Variants in SPATA7 observed in about 807,000 individuals in gnomAD.
SPATA7 encodes the protein spermatogenesis-associated protein 7.
SPATA7 carries 43 observed loss-of-function variants against 51.8 expected under a neutral mutation model. The ratio of observed to expected loss-of-function variants is 0.83; its 90% CI spans 0.65 to 1.07. The LOEUF (loss-of-function observed/expected upper bound fraction) is 1.07. SPATA7 is among the 50% of genes least tolerant of loss of function. The pLI, the probability that SPATA7 is intolerant of heterozygous loss-of-function variation, is 0.00. For synonymous variants in SPATA7, 230 were observed against 252.8 expected, an observed-to-expected ratio of 0.91 and a Z score of 0.86; for missense variants, 683 against 701.3, an observed-to-expected ratio of 0.97 and a Z score of 0.30.
At chr14:88,414,605 T>C in intron 4 of SPATA7, 2 of 364,416 alleles carry the variant, frequency 5.5e-6, no homozygotes, top group Non-Finnish European at 1.0e-5. Flanking sequence ...TGGGATTAGT[T>C]CTTGTTATTC....
chr14:88,459,937 T>C (rs555646414), downstream of SPATA7, among the ~76,000 whole-genome samples: 5 of 152,312 alleles, frequency 3.3e-5, no homozygotes, highest in East Asian at 7.7e-4. Flanking sequence ...CAGCATTTGC[T>C]TGTCTGTAAA....
chr14:88,432,618 T>A (rs1170286851), intron 9 of SPATA7: 1 of 152,260 alleles, frequency 6.6e-6, no homozygotes, highest in African/African-American at 2.4e-5. Context: ...ATTTTTCTGC[T>A]TAGTAAATTT....
At chr14:88,436,589 T>G (rs1317553768) in intron 10 of SPATA7, among the ~76,000 whole-genome samples, 1 of 152,170 alleles carries the variant, frequency 6.6e-6, no homozygotes, top group East Asian at 1.9e-4. Flanking sequence ...CTATTTTGAT[T>G]TGATTTTTGT....
At chr14:88,387,245 AT>A (rs1358443244) in intron 1 of SPATA7, among the ~76,000 whole-genome samples, 17 of 152,310 alleles carry the variant, frequency 1.1e-4, no homozygotes, top group African/African-American at 3.6e-4. Flanking sequence ...AGTATGGTAG[AT>A]TTAGTAAGTT....
chr14:88,406,034 G>C lies in SPATA7; in HGVS notation c.238+9831G>C, dbSNP rs111271563. Among the ~76,000 whole-genome samples the C allele has an allele frequency of 4.0e-3, 610 of 152,232 alleles. 8 individuals carry two copies. Among genetic ancestry groups the C allele is most frequent in the African/African-American group, 0.013 (555 of 41,560 alleles). On this transcript the variant is annotated intron_variant, in intron 4 of 11. Transcript: ENST00000393545. Reference sequence around the variant, plus strand: ...AAATATTATAATCACCAAGTTAAGTGTAATTAATAATCATTCTTCATTATA... The same window carrying C: ...AAATATTATAATCACCAAGTTAAGTCTAATTAATAATCATTCTTCATTATA...
intron 4 of SPATA7, among the ~76,000 whole-genome samples, chr14:88,409,303 C>T (rs1317408943): frequency 6.6e-6 from 1 of 151,960 alleles, no homozygotes; most frequent in African/African-American, 2.4e-5. Flanking sequence ...AGGGATTCGA[C>T]TTCTTGTTTA....
At chr14:88,390,313 A>G (rs2075706587) in intron 1 of SPATA7, among the ~76,000 whole-genome samples, 1 of 151,680 alleles carries the variant, frequency 6.6e-6, no homozygotes, top group African/African-American at 2.4e-5. Flanking sequence ...AGCTTCAAAC[A>G]TGGTTGGCCT....
chr14:88,403,672 CAT>C (rs766487147), intron 4 of SPATA7, among the ~76,000 whole-genome samples: 21 of 152,160 alleles, frequency 1.4e-4, no homozygotes, highest in Middle Eastern at 6.8e-3. Flanking sequence ...GATTATTAAA[CAT>C]GTGTATGTGC....
chr14:88,465,761 A>G (rs764630006), intron 4 of SPATA7: 8 of 152,218 alleles, frequency 5.3e-5, no homozygotes, highest in South Asian at 2.1e-4. Context: ...TGAAAATGAT[A>G]CTATTTCAAA....
intron 4 of SPATA7, among the ~76,000 whole-genome samples, chr14:88,398,133 C>T (rs1170960879): frequency 1.3e-5 from 2 of 151,902 alleles, no homozygotes; most frequent in Non-Finnish European, 2.9e-5. Flanking sequence ...ACATGGCTGT[C>T]ACAGCCTTTG....
chr14:88,422,020 A>G (rs1037222816), intron 5 of SPATA7, among the ~76,000 whole-genome samples: 1 of 151,844 alleles, frequency 6.6e-6, no homozygotes, highest in South Asian at 2.1e-4. Flanking sequence ...AAGAAGCAGG[A>G]GTTAAAATCC....
chr14:88,465,058 CTAATT>C (rs1363768853), intron 4 of SPATA7, among the ~76,000 whole-genome samples: 1 of 152,176 alleles, frequency 6.6e-6, no homozygotes, highest in African/African-American at 2.4e-5. Context: ...GGCCCAGCTT[CTAATT>C]CGACCAAAGG....
At chr14:88,458,508 G>A (rs1423152643), downstream of SPATA7, among the ~76,000 whole-genome samples, 1 of 152,150 alleles carries the variant, frequency 6.6e-6, no homozygotes, top group African/African-American at 2.4e-5. Flanking sequence ...TAGTTTATTT[G>A]CTTAGAGATG....
chr14:88,461,401 A>G lies in SPATA7; in HGVS notation c.255-8446A>G, dbSNP rs572389091. Reference sequence around the variant, plus strand: ...TGCTTTGTTTACCTACTCAAGCCTCAGCAATGGTGGATGCCCCTCCCCCAG... The same window carrying G: ...TGCTTTGTTTACCTACTCAAGCCTCGGCAATGGTGGATGCCCCTCCCCCAG... On this transcript the variant is annotated intron_variant, in intron 4 of 4. Transcript: ENST00000556406. Among the ~76,000 whole-genome samples the G allele has an allele frequency of 5.3e-5, 8 of 152,258 alleles. No individual in the cohort carries two copies. The East Asian group carries it at 1.5e-3, about 29-fold the overall frequency.
At chr14:88,395,747 G>T (rs1312901869) in intron 3 of SPATA7, among the ~76,000 whole-genome samples, 1 of 151,978 alleles carries the variant, frequency 6.6e-6, no homozygotes, top group Non-Finnish European at 1.5e-5. Context: ...GTCTGTTTCT[G>T]GACTTAACTC....
intron 4 of SPATA7, among the ~76,000 whole-genome samples, chr14:88,461,237 G>T (rs1475233736): frequency 1.3e-5 from 2 of 152,168 alleles, no homozygotes; most frequent in African/African-American, 4.8e-5. Context: ...CTTCAAAGCT[G>T]TCAGACAGGG....
At chr14:88,456,040 A>T (rs2077282153), downstream of SPATA7, among the ~76,000 whole-genome samples, 1 of 151,974 alleles carries the variant, frequency 6.6e-6, no homozygotes, top group Non-Finnish European at 1.5e-5. Flanking sequence ...CCATGTCCCT[A>T]CAAAGGACAT....
At chr14:88,398,438 A>G (rs550334589) in intron 4 of SPATA7, among the ~76,000 whole-genome samples, 2 of 134,364 alleles carry the variant, frequency 1.5e-5, no homozygotes, top group East Asian at 4.7e-4. Flanking sequence ...ATGAGATCAC[A>G]TGGACACAGG....
intron 4 of SPATA7, among the ~76,000 whole-genome samples, chr14:88,413,421 C>T (rs1056607309): frequency 4.6e-5 from 7 of 152,078 alleles, no homozygotes; most frequent in East Asian, 1.9e-4. Context: ...TTACTGGAAT[C>T]GTTTATTAGT....
Sources: allele counts gnomAD v4.1 joint callset (sites outside exome capture counted in the v4.1 genomes callset), GRCh38; gene constraint gnomAD v4.1.1; transcripts MANE v1.5; gene names NCBI Gene and HGNC (gene_info 2026-07-23, HGNC 2026-07-21).